Variants in SLC71A1 observed in about 807,000 individuals in gnomAD.
SLC71A1 encodes the protein hippocampus abundant gene transcript 1.
At chr1:100,043,615 G>T in the SLC71A1 span, among the ~76,000 whole-genome samples, 1 of 151,872 alleles carries the variant, frequency 6.6e-6, no homozygotes, top group African/African-American at 2.4e-5. Context: ...TGGGTTTTTG[G>T]TTACATAGAT....
At chr1:100,062,732 CAT>C in the SLC71A1 span, among the ~76,000 whole-genome samples, 3 of 151,748 alleles carry the variant, frequency 2.0e-5, no homozygotes, top group Admixed American at 2.0e-4. Flanking sequence ...AGTGAAGAAT[CAT>C]AAGATTTTTG....
At chr1:100,048,851 T>A in the SLC71A1 span, among the ~76,000 whole-genome samples, 2 of 152,322 alleles carry the variant, frequency 1.3e-5, no homozygotes, top group East Asian at 3.9e-4. Context: ...GAGGGCAGTT[T>A]TGTAGATAGG....
At chr1:100,038,443 C>G in the SLC71A1 span, 413 of 783,744 alleles carry the variant, frequency 5.3e-4, 3 homozygotes, top group Middle Eastern at 1.7e-3. Context: ...TCCGAGCTGC[C>G]GGTGCCTCGG....
At chr1:100,061,235 A>G in the SLC71A1 span, among the ~76,000 whole-genome samples, 1 of 152,226 alleles carries the variant, frequency 6.6e-6, no homozygotes, top group Non-Finnish European at 1.5e-5. Context: ...ATTTATAGCA[A>G]AATATAGTTT....
At chr1:100,046,199 T>G in the SLC71A1 span, among the ~76,000 whole-genome samples, 1,905 of 143,358 alleles carry the variant, frequency 0.013, 18 homozygotes, top group Middle Eastern at 0.056. Context: ...GTAATGTGAT[T>G]CCTCCAAGCC....
chr1:100,068,219 C>G, the SLC71A1 span: 2 of 1,577,366 alleles, frequency 1.3e-6, no homozygotes, highest in Non-Finnish European at 1.7e-6. Flanking sequence ...TTTTCCTTCT[C>G]CTTGATAAAA....
the SLC71A1 span, among the ~76,000 whole-genome samples, chr1:100,046,934 G>A: frequency 6.6e-6 from 1 of 152,264 alleles, no homozygotes; most frequent in Admixed American, 6.5e-5. Context: ...CAGTGAATTT[G>A]CTTCCATTCT....
chr1:100,070,765 A>G, the SLC71A1 span, among the ~76,000 whole-genome samples: 3 of 152,108 alleles, frequency 2.0e-5, no homozygotes, highest in Non-Finnish European at 4.4e-5. Context: ...TTTCTAAGAC[A>G]CTATGAAGAC....
the SLC71A1 span, chr1:100,069,823 G>T: frequency 1.5e-6 from 1 of 661,520 alleles, no homozygotes; most frequent in African/African-American, 1.8e-5. Context: ...AATTCAATTT[G>T]TTTGTGTAGC....
chr1:100,060,097 G>A, the SLC71A1 span: 1 of 1,225,150 alleles, frequency 8.2e-7, no homozygotes, highest in Non-Finnish European at 1.1e-6. Context: ...TGCCATCTTG[G>A]TTATGAGGTT....
At chr1:100,058,888 ATAACT>A in the SLC71A1 span, among the ~76,000 whole-genome samples, 3 of 152,106 alleles carry the variant, frequency 2.0e-5, no homozygotes, top group African/African-American at 7.2e-5. Context: ...ATTTTGAGAG[ATAACT>A]TAATACTTTC....
the SLC71A1 span, among the ~76,000 whole-genome samples, chr1:100,041,759 A>T: frequency 6.6e-6 from 1 of 152,128 alleles, no homozygotes; most frequent in African/African-American, 2.4e-5. Context: ...CCCCATCTTT[A>T]CCAAAATTAC....
the SLC71A1 span, among the ~76,000 whole-genome samples, chr1:100,058,885 G>A: frequency 1.3e-4 from 19 of 151,964 alleles, no homozygotes; most frequent in African/African-American, 4.1e-4. Context: ...TATATTTTGA[G>A]AGATAACTTA....
the SLC71A1 span, among the ~76,000 whole-genome samples, chr1:100,049,524 A>G: frequency 6.6e-6 from 1 of 151,544 alleles, no homozygotes. Context: ...GTTGTACTGA[A>G]CTCGATATAT....
the SLC71A1 span, among the ~76,000 whole-genome samples, chr1:100,073,437 G>C: frequency 6.6e-6 from 1 of 152,126 alleles, no homozygotes; most frequent in South Asian, 2.1e-4. Flanking sequence ...TCAGTCCAGG[G>C]CCTTTGCACT....
chr1:100,041,662 G>T, the SLC71A1 span, among the ~76,000 whole-genome samples: 1 of 152,246 alleles, frequency 6.6e-6, no homozygotes, highest in African/African-American at 2.4e-5. Context: ...AGTGGCTCAC[G>T]CCTGTAATCC....
At chr1:100,065,388 A>G in the SLC71A1 span, among the ~76,000 whole-genome samples, 1 of 152,220 alleles carries the variant, frequency 6.6e-6, no homozygotes, top group African/African-American at 2.4e-5. Flanking sequence ...TGGCATAGAA[A>G]CAGAATAAAA....
At chr1:100,075,788 C>T in the SLC71A1 span, among the ~76,000 whole-genome samples, 2 of 152,278 alleles carry the variant, frequency 1.3e-5, no homozygotes, top group African/African-American at 2.4e-5. Context: ...GAGTGATCCT[C>T]TGGACTCAGC....
the SLC71A1 span, chr1:100,058,802 AATAC>A: frequency 2.1e-5 from 16 of 758,308 alleles, no homozygotes; most frequent in South Asian, 8.5e-5. Flanking sequence ...AACATACATA[AATAC>A]ATATATATAA....
Sources: gnomAD v4.1 joint callset for allele counts (sites outside exome capture counted in the v4.1 genomes callset) on GRCh38, gnomAD v4.1.1 for gene constraint, MANE v1.5 for transcripts, NCBI Gene and HGNC (gene_info 2026-07-23, HGNC 2026-07-21) for gene names.